Variants in TOMM40L observed in about 807,000 individuals in gnomAD.
TOMM40L encodes mitochondrial import receptor subunit TOM40B.
Under a neutral mutation model 38.3 loss-of-function variants are expected in TOMM40L, and 17 were observed. That is an observed-to-expected ratio of 0.44 (90% CI 0.30 to 0.67). The LOEUF (loss-of-function observed/expected upper bound fraction) is 0.67. Among genes scored for constraint, TOMM40L ranks in the 30% least tolerant of loss-of-function variants. The pLI is 0.08. For missense variants in TOMM40L, 294 were observed against 390.0 expected (o/e 0.75, Z 2.07); for synonymous variants, 151 against 150.2 (o/e 1.01, Z -0.04).
rs1666677144 is a variant in TOMM40L at position 161,229,793 on chromosome 1, G to C, written c.*698G>C. ...GTGAGCTGGGGAAGGAAGTGAGCAT[G>C]GCCTCAGCTGCAGATCTCCTGGAGC... On this transcript the variant is annotated 3_prime_UTR_variant, in exon 10 of 10. Transcript: ENST00000367988. 1 of 1,614,224 alleles carries C rather than the reference G, an allele frequency of 6.2e-7. No homozygotes were observed. The highest frequency in any genetic ancestry group is 8.5e-7 in the Non-Finnish European group (1 of 1,180,044).
In TOMM40L at chr1:161,227,212, GT is replaced by G. The variant is rs1558095850; in HGVS notation, c.184-45del. Reference sequence around the variant, plus strand: ...ACTAAGGGTGGGATGAGGGATTGAAGTGGAGCAGGAATGCGCTTTTCTCCAC... The same window carrying G: ...ACTAAGGGTGGGATGAGGGATTGAAGGGAGCAGGAATGCGCTTTTCTCCAC... On this transcript the variant is annotated intron_variant, in intron 3 of 9. Coordinates refer to ENST00000367988, the MANE Select transcript of TOMM40L (RefSeq NM_032174.6). 5 of 1,570,224 alleles carry G rather than the reference GT, an allele frequency of 3.2e-6. No individual in the cohort carries two copies. The East Asian group carries it at 9.0e-5, about 28-fold the overall frequency.
chr1:161,227,089 C>A, intron 3 of TOMM40L, 134 bp downstream of exon 3: 1 of 1,238,544 alleles, frequency 8.1e-7, no homozygotes, highest in Non-Finnish European at 1.2e-6. Flanking sequence ...TTCTCTTTAC[C>A]TCCGTGCCTG....
Position 161,228,176 on chromosome 1 carries a change from T to C in TOMM40L, c.485-10T>C. Reference sequence around the variant, plus strand: ...TATGACTGACTCCATGTCTCCCCATTCCCCCACAGTGATCATGGTTGCTCA... The same window carrying C: ...TATGACTGACTCCATGTCTCCCCATCCCCCCACAGTGATCATGGTTGCTCA... On this transcript the variant is annotated splice_polypyrimidine_tract_variant and intron_variant, in intron 6 of 9. Coordinates refer to ENST00000367988, the MANE Select transcript of TOMM40L (RefSeq NM_032174.6). The C allele has an allele frequency of 6.4e-7, 1 of 1,574,736 alleles. No homozygotes were observed. The highest frequency in any genetic ancestry group is 8.6e-7 in the Non-Finnish European group (1 of 1,158,736).
rs572704010 is a variant in TOMM40L at position 161,227,306 on chromosome 1, C to T, written c.232C>T (p.Leu78Phe). The T allele has an allele frequency of 1.2e-6, 2 of 1,614,178 alleles. No individual in the cohort carries two copies. The highest frequency in any genetic ancestry group is 1.7e-5 in the Admixed American group (1 of 60,020). ...MSALGLPGYH[L>F]HAAYAGDWQL... Reference sequence around the variant, plus strand: ...TGCCCTGGGCTTGCCGGGATATCACCTCCATGCGGCCTATGCAGGGGATTG... The same window carrying T: ...TGCCCTGGGCTTGCCGGGATATCACTTCCATGCGGCCTATGCAGGGGATTG... Residue 78 changes from leucine to phenylalanine, a missense_variant, in exon 4 of 10, where the codon CTC (leucine) becomes TTC (phenylalanine). Physicochemically the swap from Leu to Phe is conservative, Grantham distance 22 (BLOSUM62 0). Transcript: ENST00000367988.
intron 5 of TOMM40L, 57 bp from the exon 6 acceptor site, chr1:161,227,827 A>C (rs998090638): frequency 6.2e-7 from 1 of 1,604,606 alleles, no homozygotes; most frequent in Non-Finnish European, 8.5e-7. Context: ...GGAGGAGCAG[A>C]GTCTATAATG....
rs1666586248 is a variant in TOMM40L, at chr1:161,228,941, T to C, written c.788-15T>C. ...CCCTGTTAAATAATCTAGTGGGTAT[T>C]CTCTCCCCCAACAGGCTTGGTGGAT... On this transcript the variant is annotated splice_polypyrimidine_tract_variant and intron_variant, in intron 9 of 9. Coordinates refer to ENST00000367988, the MANE Select transcript of TOMM40L (RefSeq NM_032174.6). The C allele has an allele frequency of 3.7e-6, 6 of 1,614,040 alleles. No individual in the cohort carries two copies. The highest frequency in any genetic ancestry group is 1.3e-5 in the African/African-American group (1 of 74,914).
chr1:161,227,101 G>A, intron 3 of TOMM40L, 146 bp downstream of exon 3: 1 of 1,188,666 alleles, frequency 8.4e-7, no homozygotes, highest in Non-Finnish European at 1.2e-6. Context: ...CCGTGCCTGT[G>A]GGACTTGTTG....
Position 161,227,238 on chromosome 1 carries a change from C to T in TOMM40L, c.184-20C>T. 1 of 1,612,444 alleles carries T rather than the reference C, an allele frequency of 6.2e-7. No homozygotes were observed. The highest frequency in any genetic ancestry group is 8.5e-7 in the Non-Finnish European group (1 of 1,178,452). On this transcript the variant is annotated intron_variant, in intron 3 of 9. Transcript: ENST00000367988. Reference sequence around the variant, plus strand: ...TGGAGCAGGAATGCGCTTTTCTCCACTGAATCCTCTTTTCCTCAGGTGGCG... The same window carrying T: ...TGGAGCAGGAATGCGCTTTTCTCCATTGAATCCTCTTTTCCTCAGGTGGCG...
chr1:161,228,050 C>T (rs1475910117), intron 6 of TOMM40L, 61 bp downstream of exon 6: 1 of 1,602,372 alleles, frequency 6.2e-7, no homozygotes, highest in East Asian at 2.2e-5. Flanking sequence ...GTTACTATGC[C>T]TCTTCATCTT....
chr1:161,227,177 T>C (rs1379401260), intron 3 of TOMM40L, 81 bp from the exon 4 acceptor site: 6 of 1,416,014 alleles, frequency 4.2e-6, no homozygotes, highest in Non-Finnish European at 6.0e-6. Flanking sequence ...GCCCTCTGGA[T>C]GGGGAAAAGA....
rs370520800 is a variant in TOMM40L at position 161,226,504 on chromosome 1, G to C, written c.15G>C (p.Leu5Phe). MGNT[L>F]GLAPMGTLPR... ...TCTGGACTAAAATGGGGAACACATT[G>C]GGCCTGGCACCAATGGGGACTTTGC... is the stretch of plus-strand genomic sequence containing the variant. Residue 5 changes from leucine (L) to phenylalanine (F), a missense_variant, in exon 2 of 10, where the codon TTG becomes TTC. Transcript: ENST00000367988. 9 of 1,613,912 alleles carry C rather than the reference G, an allele frequency of 5.6e-6. No homozygotes were observed. Among genetic ancestry groups the C allele is most frequent in the Non-Finnish European group, 6.8e-6 (8 of 1,179,968 alleles).
Position 161,229,500 on chromosome 1 carries a change from G to T in TOMM40L, c.*405G>T. 1.2e-6 allele frequency: 1 copy of T among 820,864 alleles called. No individual in the cohort carries two copies. Among genetic ancestry groups the T allele is most frequent in the Non-Finnish European group, 1.9e-6 (1 of 529,146 alleles). 50.8% of individuals were successfully genotyped at this position (820,864 alleles called of 1,614,324 possible). On this transcript the variant is annotated 3_prime_UTR_variant, in exon 10 of 10. Transcript: ENST00000367988. ...CTCCCAAGGCTGGGAAAGTAGGGCTGAAGGGCTAGATGTTTGGTCTCAGGA... is the reference window on the plus strand; with the variant it reads ...CTCCCAAGGCTGGGAAAGTAGGGCTTAAGGGCTAGATGTTTGGTCTCAGGA...
Position 161,229,266 on chromosome 1 carries a change from G to A in TOMM40L, c.*171G>A. On this transcript the variant is annotated 3_prime_UTR_variant, in exon 10 of 10. Transcript: ENST00000367988. ...CAGAACTGGAGCTGCCACAGGGGCA[G>A]TTGATGAGGCAGAGGTTTGAGGATC... The A allele has an allele frequency of 1.1e-6, 1 of 894,922 alleles. No individual in the cohort carries two copies. Among genetic ancestry groups the A allele is most frequent in the Non-Finnish European group, 1.7e-6 (1 of 598,796 alleles). 55.4% of individuals were successfully genotyped at this position (894,922 alleles called of 1,614,324 possible).
rs1558100199 is a variant in TOMM40L at position 161,229,633 on chromosome 1, C to T, written c.*538C>T. On this transcript the variant is annotated 3_prime_UTR_variant, in exon 10 of 10. Transcript: ENST00000367988. ...AGAACAACTTTGTTCCTATGGTCAC[C>T]CCCACTATCCCCATGACCGCATGAA... The T allele has an allele frequency of 1.2e-6, 2 of 1,611,632 alleles. No homozygotes were observed. The highest frequency in any genetic ancestry group is 1.7e-6 in the Non-Finnish European group (2 of 1,179,198).
intron 2 of TOMM40L, 65 bp from the exon 3 acceptor site, chr1:161,226,823 G>A: frequency 1.3e-6 from 2 of 1,567,354 alleles, no homozygotes; most frequent in South Asian, 1.1e-5. Flanking sequence ...TGAAAGGGGA[G>A]ACTATCTTTT....
At position 161,228,339 on chromosome 1, in the gene TOMM40L, T is replaced by G. The variant is rs199979621; in HGVS notation, c.607+31T>G. On this transcript the variant is annotated intron_variant, in intron 7 of 9. Coordinates refer to ENST00000367988, the MANE Select transcript of TOMM40L (RefSeq NM_032174.6). ...GGGCGAAGTGAAGTAGTGGTGGTGGTGGGGGGCAATTCTGGACTTTTCTGG... is the reference window on the plus strand; with the variant it reads ...GGGCGAAGTGAAGTAGTGGTGGTGGGGGGGGGCAATTCTGGACTTTTCTGG... The G allele has an allele frequency of 6.1e-4, 974 of 1,607,654 alleles. 1 individual carries two copies. The highest frequency in any genetic ancestry group is 3.7e-3 in the Middle Eastern group (22 of 6,022).
chr1:161,229,213 A>C lies in TOMM40L; in HGVS notation c.*118A>C, dbSNP rs1477887092. 6.9e-7 allele frequency: 1 copy of C among 1,457,464 alleles called. No homozygotes were observed. The highest frequency in any genetic ancestry group is 9.4e-7 in the Non-Finnish European group (1 of 1,067,020). The allele number at this position is 1,457,464 out of a possible 1,614,324, so 90.3% of individuals were successfully genotyped here. On this transcript the variant is annotated 3_prime_UTR_variant, in exon 10 of 10. Coordinates refer to ENST00000367988, the MANE Select transcript of TOMM40L (RefSeq NM_032174.6). ...TGGGTGATCTCTAGGACCCAGGAGC[A>C]GAGTGGTGGACAGGACCATGCCCTC... is the stretch of plus-strand genomic sequence containing the variant.
Position 161,229,060 on chromosome 1 carries a change from A to G in TOMM40L, c.892A>G (p.Arg298Gly). Residue 298 changes from arginine to glycine, a missense_variant, in exon 10 of 10, where the codon AGA (arginine) becomes GGA (glycine). Coordinates refer to ENST00000367988, the MANE Select transcript of TOMM40L (RefSeq NM_032174.6). The stretch of plus-strand genomic sequence containing the variant: ...AGCCTTCCTCAATCACTGGCGCAAC[A>G]GATTCCATTGTGGCTTCAGCATCAC... ...LGAFLNHWRN[R>G]FHCGFSITVG 6.2e-7 allele frequency: 1 copy of G among 1,614,148 alleles called. No individual in the cohort carries two copies. The highest frequency in any genetic ancestry group is 1.3e-5 in the African/African-American group (1 of 75,026).
Position 161,229,635 on chromosome 1 carries a change from C to T in TOMM40L, c.*540C>T, listed in dbSNP as rs746343817. 1.9e-6 allele frequency: 3 copies of T among 1,611,944 alleles called. No homozygotes were observed. Among genetic ancestry groups the T allele is most frequent in the Non-Finnish European group, 2.5e-6 (3 of 1,179,408 alleles). ...AACAACTTTGTTCCTATGGTCACCC[C>T]CACTATCCCCATGACCGCATGAAGA... On this transcript the variant is annotated 3_prime_UTR_variant, in exon 10 of 10. Transcript: ENST00000367988.
Sources: allele counts gnomAD v4.1 joint callset, GRCh38; gene constraint gnomAD v4.1.1; transcripts MANE v1.5; gene names NCBI Gene and HGNC (gene_info 2026-07-23, HGNC 2026-07-21).